MYOC: variants seen among roughly 807,000 people sequenced by gnomAD.
The protein encoded by MYOC is juvenile-onset open-angle glaucoma 1.
Under a neutral mutation model 28.2 loss-of-function variants are expected in MYOC, and 29 were observed. That is an observed-to-expected ratio of 1.03 (90% CI 0.77 to 1.40). The LOEUF is 1.40. MYOC is among the 40% of genes most tolerant of loss of function. The pLI is 0.00. For missense variants in MYOC, 569 were observed against 620.6 expected (o/e 0.92, Z 0.88); for synonymous variants, 240 against 245.6 (o/e 0.98, Z 0.21).
At chr1:171,640,475 T>TGTAATCCCA (rs1653051201) in intron 1 of MYOC, among the ~76,000 whole-genome samples, 1 of 152,192 alleles carries the variant, frequency 6.6e-6, no homozygotes. Context: ...GGCTCATACC[T>TGTAATCCCA]GTAATCCCAG....
chr1:171,639,682 T>C (rs483849), intron 1 of MYOC, among the ~76,000 whole-genome samples: 110,171 of 146,178 alleles, frequency 0.75, 41,895 homozygotes, highest in African/African-American at 0.86. Flanking sequence ...CCGGGCACAG[T>C]GGCTCACACT....
intron 1 of MYOC, among the ~76,000 whole-genome samples, chr1:171,640,718 G>A (rs552016292): frequency 6.6e-5 from 10 of 152,132 alleles, no homozygotes; most frequent in Non-Finnish European, 1.0e-4. Flanking sequence ...CTGGCGTAGA[G>A]TGAGACCCTG....
chr1:171,648,170 C>G (rs1272096830), intron 1 of MYOC, among the ~76,000 whole-genome samples: 1 of 138,494 alleles, frequency 7.2e-6, no homozygotes, highest in Non-Finnish European at 1.5e-5. Flanking sequence ...GCCTGGGGGA[C>G]AGAGAAAGAC....
chr1:171,638,534 A>C, intron 2 of MYOC, 63 bp downstream of exon 2: 1 of 1,600,522 alleles, frequency 6.2e-7, no homozygotes, highest in Non-Finnish European at 8.6e-7. Context: ...GATTCTCTGA[A>C]CACAGCACTA....
chr1:171,651,597 T>C (rs189167963), intron 1 of MYOC, among the ~76,000 whole-genome samples: 1 of 152,360 alleles, frequency 6.6e-6, no homozygotes, highest in East Asian at 1.9e-4. Context: ...TTCCCAAATC[T>C]ATTGTAATTT....
intron 1 of MYOC, among the ~76,000 whole-genome samples, chr1:171,643,682 T>C (rs1170028212): frequency 6.6e-6 from 1 of 152,112 alleles, no homozygotes; most frequent in Non-Finnish European, 1.5e-5. Flanking sequence ...ACTCTCAGAA[T>C]ATAAGAGTTG....
intron 1 of MYOC, among the ~76,000 whole-genome samples, chr1:171,651,405 C>G (rs987354472): frequency 2.7e-5 from 4 of 149,908 alleles, no homozygotes; most frequent in African/African-American, 7.3e-5. Context: ...AACAGAAGAG[C>G]CTCTCAGAAA....
At chr1:171,650,007 C>T (rs772167471) in intron 1 of MYOC, among the ~76,000 whole-genome samples, 8 of 152,096 alleles carry the variant, frequency 5.3e-5, no homozygotes, top group Non-Finnish European at 8.8e-5. Flanking sequence ...TCATGAAAAA[C>T]ATCTACTACT....
chr1:171,636,517 A>T lies in MYOC; in HGVS notation c.923T>A (p.Met308Lys). The T allele has an allele frequency of 6.2e-7, 1 of 1,610,476 alleles. No homozygotes were observed. The highest frequency in any genetic ancestry group is 8.5e-7 in the Non-Finnish European group (1 of 1,177,740). Residue 308 changes from methionine to lysine, a missense_variant, in exon 3 of 3, where the codon ATG becomes AAG. Physicochemically the swap from Met to Lys is moderately conservative, Grantham distance 95. Coordinates refer to ENST00000037502, the MANE Select transcript of MYOC (RefSeq NM_000261.2). ...GTGAACCTTAGAAGGGTAGCCCTGC[A>T]TAAACTGGCTGATGAGGTCATACTC... Reference protein sequence around the residue: ...VFEYDLISQFMQGYPSKVHIL... With the variant: ...VFEYDLISQFKQGYPSKVHIL...
In MYOC at chr1:171,638,584, CTT is replaced by C. The variant is rs767630824; in HGVS notation, c.730+11_730+12del. On this transcript the variant is annotated intron_variant, in intron 2 of 2. Coordinates refer to ENST00000037502, the MANE Select transcript of MYOC (RefSeq NM_000261.2). The stretch of plus-strand genomic sequence containing the variant: ...CCACGTGGGCACAAAAGGGAAGAAA[CTT>C]AACTTCATACCGGTGTCTCCCTCTC... 3.1e-6 allele frequency: 5 copies of C among 1,613,888 alleles called. No individual in the cohort carries two copies. Among genetic ancestry groups the C allele is most frequent in the Non-Finnish European group, 4.2e-6 (5 of 1,179,888 alleles).
chr1:171,644,749 C>T (rs780988334), intron 1 of MYOC, among the ~76,000 whole-genome samples: 8 of 152,130 alleles, frequency 5.3e-5, no homozygotes, highest in African/African-American at 1.4e-4. Context: ...GTTGAACTAT[C>T]GCTACTACTT....
At chr1:171,636,910 G>T (rs140108379) in intron 2 of MYOC, among the ~76,000 whole-genome samples, 2 of 152,126 alleles carry the variant, frequency 1.3e-5, no homozygotes, top group Admixed American at 6.5e-5. Flanking sequence ...CTCAGTTATC[G>T]CATTTGTAAA....
Position 171,636,719 on chromosome 1 carries a change from T to C in MYOC, c.731-10A>G, listed in dbSNP as rs748808951. The C allele has an allele frequency of 1.2e-6, 2 of 1,600,288 alleles. No individual in the cohort carries two copies. The highest frequency in any genetic ancestry group is 1.7e-6 in the Non-Finnish European group (2 of 1,179,862). ...ACTAGTTCTCCACATCCTGGTAAAT[T>C]CAGAAAAGAAAACGAAGCACCACTT... On this transcript the variant is annotated splice_polypyrimidine_tract_variant and intron_variant, in intron 2 of 2. Transcript: ENST00000037502.
chr1:171,638,777 T>A, intron 1 of MYOC, 55 bp from the exon 2 acceptor site: 1 of 1,596,860 alleles, frequency 6.3e-7, no homozygotes, highest in Non-Finnish European at 8.6e-7. Flanking sequence ...GCCCAAGGAT[T>A]GACTATGTTG....
Position 171,636,708 on chromosome 1 carries a change from T to A in MYOC, c.732A>T (p.Gly244=). ...CTCCTACCCAAACTAGTTCTCCACA[T>A]CCTGGTAAATTCAGAAAAGAAAACG... ...GYLRSGEGDT[G]CGELVWVGEP... The change falls in exon 3 of 3, where the codon GGA becomes GGT. Residue 244 remains glycine, a splice_region_variant and synonymous_variant. Coordinates refer to ENST00000037502, the MANE Select transcript of MYOC (RefSeq NM_000261.2). 6.2e-7 allele frequency: 1 copy of A among 1,601,002 alleles called. No individual in the cohort carries two copies. The highest frequency in any genetic ancestry group is 1.1e-5 in the South Asian group (1 of 91,084).
intron 1 of MYOC, among the ~76,000 whole-genome samples, chr1:171,651,338 C>G (rs575616422): frequency 4.8e-5 from 7 of 146,078 alleles, no homozygotes; most frequent in East Asian, 4.2e-4. Context: ...ACACCTCACC[C>G]CCGCACCCCC....
intron 1 of MYOC, among the ~76,000 whole-genome samples, chr1:171,646,263 C>G (rs1040618252): frequency 2.0e-5 from 3 of 152,210 alleles, no homozygotes; most frequent in African/African-American, 7.2e-5. Flanking sequence ...GACTCCACCT[C>G]TCTGAGCCCC....
intron 1 of MYOC, among the ~76,000 whole-genome samples, chr1:171,650,125 C>T (rs1653318025): frequency 6.6e-6 from 1 of 152,026 alleles, no homozygotes; most frequent in Admixed American, 6.6e-5. Context: ...GGAAACACAT[C>T]TAATAAATCC....
At chr1:171,641,450 C>G (rs1184628259) in intron 1 of MYOC, among the ~76,000 whole-genome samples, 3 of 152,076 alleles carry the variant, frequency 2.0e-5, no homozygotes, top group African/African-American at 7.2e-5. Context: ...CAGGAGTTAT[C>G]TCTAATTGTC....
Sources: allele counts gnomAD v4.1 joint callset (sites outside exome capture counted in the v4.1 genomes callset), GRCh38; gene constraint gnomAD v4.1.1; transcripts MANE v1.5; gene names NCBI Gene and HGNC (gene_info 2026-07-23, HGNC 2026-07-21).